PKHD1: variants seen among roughly 807,000 people sequenced by gnomAD.
PKHD1 encodes the protein fibrocystin.
Under a neutral mutation model 412.0 loss-of-function variants are expected in PKHD1, and 291 were observed. The ratio of observed to expected loss-of-function variants is 0.71; its 90% CI spans 0.64 to 0.78. The LOEUF (loss-of-function observed/expected upper bound fraction) is 0.78, where lower values mean the gene tolerates loss of function less well. Among genes scored for constraint, PKHD1 ranks in the 30% least tolerant of loss-of-function variants. The pLI is 0.00. For missense variants in PKHD1, 4,825 were observed against 4,950.7 expected (o/e 0.97, Z 0.76); for synonymous variants, 1,777 against 1,821.5 (o/e 0.98, Z 0.62).
intron 19 of PKHD1, among the ~76,000 whole-genome samples, chr6:52,055,292 G>A (rs1356052086): frequency 1.3e-5 from 2 of 152,206 alleles, no homozygotes; most frequent in Non-Finnish European, 2.9e-5. Context: ...AAACCAGATA[G>A]TCCAATGACA....
chr6:52,021,138 C>T lies in PKHD1; in HGVS notation c.5380+1663G>A, dbSNP rs75401280. 4.3e-3 allele frequency among the ~76,000 whole-genome samples: 661 copies of T among 152,266 alleles called. 4 individuals are homozygous for T. The highest frequency in any genetic ancestry group is 6.1e-3 in the Non-Finnish European group (413 of 68,022). ...GCATTCCTCTAGAGTAAATGTGTGC[C>T]TTGCACAATCAATGAGTGTTTGGTG... On this transcript the variant is annotated intron_variant, in intron 33 of 66. Coordinates refer to ENST00000371117, the MANE Select transcript of PKHD1 (RefSeq NM_138694.4).
chr6:51,627,429 AAACT>A (rs1293990711), intron 65 of PKHD1, among the ~76,000 whole-genome samples: 1 of 152,012 alleles, frequency 6.6e-6, no homozygotes, highest in South Asian at 2.1e-4. Flanking sequence ...AAAAAAGTGT[AAACT>A]AACTAATGTT....
At chr6:51,689,652 G>T (rs1777902598) in intron 60 of PKHD1, among the ~76,000 whole-genome samples, 2 of 152,056 alleles carry the variant, frequency 1.3e-5, no homozygotes, top group African/African-American at 4.8e-5. Flanking sequence ...CAAAGTCTTG[G>T]GATACAAAAT....
chr6:51,811,996 G>A (rs1582832263), intron 52 of PKHD1, among the ~76,000 whole-genome samples: 1 of 152,240 alleles, frequency 6.6e-6, no homozygotes, highest in South Asian at 2.1e-4. Flanking sequence ...ATGTCAGATA[G>A]CCATATATAA....
intron 53 of PKHD1, among the ~76,000 whole-genome samples, chr6:51,777,769 A>G (rs1231378223): frequency 1.3e-5 from 2 of 150,906 alleles, no homozygotes; most frequent in African/African-American, 4.9e-5. Flanking sequence ...TTTTTGCCCT[A>G]GAGAAATGTA....
chr6:52,077,773 A>C (rs911895202), intron 5 of PKHD1, among the ~76,000 whole-genome samples: 15 of 152,142 alleles, frequency 9.9e-5, no homozygotes, highest in African/African-American at 3.6e-4. Flanking sequence ...TCAAAATAAC[A>C]ATGTTGTTAC....
chr6:51,832,417 G>A (rs955662392), intron 51 of PKHD1, among the ~76,000 whole-genome samples: 1 of 152,070 alleles, frequency 6.6e-6, no homozygotes. Flanking sequence ...AAGAAATTTG[G>A]TGTTGCTGAA....
At position 52,086,620 on chromosome 6, in the gene PKHD1, T is replaced by A. The variant is rs550213347; in HGVS notation, c.-85+814A>T. ...TTCAACACTGCAAACATTTATTGTA[T>A]GCCCACTACGTGCTAAGCACTATAC... On this transcript the variant is annotated intron_variant, in intron 1 of 66. Coordinates refer to ENST00000371117, the MANE Select transcript of PKHD1 (RefSeq NM_138694.4). Among the ~76,000 whole-genome samples the A allele has an allele frequency of 8.5e-5, 13 of 152,334 alleles. No homozygotes were observed. In the East Asian group the frequency reaches 2.3e-3, roughly 27 times the overall value.
At chr6:51,815,385 C>T (rs1765286113) in intron 52 of PKHD1, among the ~76,000 whole-genome samples, 1 of 151,784 alleles carries the variant, frequency 6.6e-6, no homozygotes, top group Non-Finnish European at 1.5e-5. Flanking sequence ...AATGAGGATT[C>T]GGGGACACTT....
chr6:51,858,096 A>C (rs754053702), intron 48 of PKHD1, among the ~76,000 whole-genome samples: 12 of 152,220 alleles, frequency 7.9e-5, no homozygotes, highest in Non-Finnish European at 1.6e-4. Flanking sequence ...ATCAGAATGA[A>C]CACAAAGATC....
rs530045729 is a variant in PKHD1 at position 51,991,976 on chromosome 6, T to C, written c.5751+18333A>G. 7.3e-4 allele frequency among the ~76,000 whole-genome samples: 111 copies of C among 152,340 alleles called. 3 individuals are homozygous for C. In the South Asian group the frequency reaches 0.023, roughly 31 times the overall value. On this transcript the variant is annotated intron_variant, in intron 35 of 66. Coordinates refer to ENST00000371117, the MANE Select transcript of PKHD1 (RefSeq NM_138694.4). Reference sequence around the variant, plus strand: ...TCTAAACTCTCCAGCTTGAAGATTATGGGGCAAGAGTGCCAAAGAGCACAG... The same window carrying C: ...TCTAAACTCTCCAGCTTGAAGATTACGGGGCAAGAGTGCCAAAGAGCACAG...
In PKHD1 at chr6:52,045,988, G is replaced by A. The variant is rs1357417745; in HGVS notation, c.2592+16C>T. ...GGGCAGCAAATCCATGCCACTAGAAGGGATACTATACATACCCTGATAAAA... is the reference window on the plus strand; with the variant it reads ...GGGCAGCAAATCCATGCCACTAGAAAGGATACTATACATACCCTGATAAAA... On this transcript the variant is annotated intron_variant, in intron 24 of 66. Transcript: ENST00000371117. The A allele has an allele frequency of 1.3e-6, 2 of 1,583,666 alleles. No homozygotes were observed. Among genetic ancestry groups the A allele is most frequent in the Admixed American group, 3.3e-5 (2 of 59,932 alleles).
intron 60 of PKHD1, among the ~76,000 whole-genome samples, chr6:51,693,934 G>C (rs1778471543): frequency 6.6e-6 from 1 of 152,170 alleles, no homozygotes; most frequent in Admixed American, 6.5e-5. Flanking sequence ...GTAGCTTGCA[G>C]AAAGTGAACC....
At chr6:51,982,184 GT>G (rs1795466847) in intron 35 of PKHD1, among the ~76,000 whole-genome samples, 3 of 43,248 alleles carry the variant, frequency 6.9e-5, no homozygotes, top group East Asian at 5.2e-4. Flanking sequence ...CGGGAGGGAG[GT>G]GGGGGGGTCA....
intron 60 of PKHD1, among the ~76,000 whole-genome samples, chr6:51,674,956 T>A (rs115705847): frequency 0.019 from 2,915 of 152,300 alleles, 115 homozygotes; most frequent in African/African-American, 0.067. Flanking sequence ...AGACTTGAAA[T>A]CCTGGTCTTC....
At chr6:51,838,842 C>T (rs1458562670) in intron 50 of PKHD1, among the ~76,000 whole-genome samples, 1 of 152,124 alleles carries the variant, frequency 6.6e-6, no homozygotes, top group African/African-American at 2.4e-5. Context: ...TTCATTTCAT[C>T]TAAAAGTGGG....
intron 63 of PKHD1, among the ~76,000 whole-genome samples, chr6:51,640,144 A>G (rs1458115621): frequency 6.6e-6 from 1 of 152,240 alleles, no homozygotes; most frequent in Non-Finnish European, 1.5e-5. Flanking sequence ...CAAACAATGA[A>G]CTGAAGAGTA....
Position 52,025,945 on chromosome 6 carries a change from T to TC in PKHD1, c.3864dup (p.Lys1289GlufsTer8), listed in dbSNP as rs777925360. 1.2e-6 allele frequency: 2 copies of TC among 1,614,126 alleles called. No homozygotes were observed. Among genetic ancestry groups the TC allele is most frequent in the Non-Finnish European group, 1.7e-6 (2 of 1,180,036 alleles). The stretch of plus-strand genomic sequence containing the variant: ...GCTTCATACATGAAGGTGAAGCCTT[T>TC]CCCCACCAAGCTTGGTGAAGGACCA... On this transcript the variant is annotated frameshift_variant, in exon 32 of 67. Transcript: ENST00000371117. LOFTEE classifies it high-confidence loss of function.
chr6:51,738,232 C>T (rs1322802229), intron 60 of PKHD1, among the ~76,000 whole-genome samples: 1 of 152,190 alleles, frequency 6.6e-6, no homozygotes, highest in Non-Finnish European at 1.5e-5. Flanking sequence ...ACACAGCTAG[C>T]ACAATCTTTT....
Sources: gnomAD v4.1 joint callset for allele counts (sites outside exome capture counted in the v4.1 genomes callset) on GRCh38, gnomAD v4.1.1 for gene constraint, MANE v1.5 for transcripts, NCBI Gene and HGNC (gene_info 2026-07-23, HGNC 2026-07-21) for gene names.